Variants in TNFSF4 observed in about 807,000 individuals in gnomAD.
TNFSF4 encodes the protein TNF superfamily member 4.
A neutral mutation model predicts 7.3 loss-of-function variants in TNFSF4; 4 were observed. That is an observed-to-expected ratio of 0.55 (90% CI 0.27 to 1.25). The LOEUF is 1.25. TNFSF4 is among the 50% of genes most tolerant of loss of function. The pLI, the probability that TNFSF4 is intolerant of heterozygous loss-of-function variation, is 0.12. For synonymous variants in TNFSF4, 76 were observed against 83.7 expected (o/e 0.91, Z 0.50); for missense variants, 181 against 208.8 (o/e 0.87, Z 0.82).
At chr1:173,328,543 TAAAAA>T in the TNFSF4 span, among the ~76,000 whole-genome samples, 1 of 134,264 alleles carries the variant, frequency 7.4e-6, no homozygotes, top group Non-Finnish European at 1.6e-5. Flanking sequence ...ATCTTCGTAA[TAAAAA>T]AAAAAGTTTA....
the TNFSF4 span, among the ~76,000 whole-genome samples, chr1:173,247,966 TAATG>T: frequency 3.3e-5 from 5 of 152,308 alleles, no homozygotes; most frequent in East Asian, 9.6e-4. Context: ...ATAGCTTACT[TAATG>T]AAGAAGAATA....
At chr1:173,190,607 C>T (rs982312140) in intron 1 of TNFSF4, among the ~76,000 whole-genome samples, 3 of 152,320 alleles carry the variant, frequency 2.0e-5, no homozygotes, top group East Asian at 1.9e-4. Flanking sequence ...CTGTACTCTT[C>T]GTGGTGTGAT....
the TNFSF4 span, among the ~76,000 whole-genome samples, chr1:173,324,373 T>C: frequency 6.6e-5 from 10 of 151,936 alleles, no homozygotes; most frequent in Non-Finnish European, 1.3e-4. Flanking sequence ...GCACTAAACA[T>C]GGAAAGGAAC....
the TNFSF4 span, among the ~76,000 whole-genome samples, chr1:173,338,147 C>A: frequency 6.6e-6 from 1 of 152,174 alleles, no homozygotes; most frequent in African/African-American, 2.4e-5. Flanking sequence ...CCCTGAGTCC[C>A]CAGCATGGTA....
At chr1:173,355,553 C>A in the TNFSF4 span, among the ~76,000 whole-genome samples, 3 of 152,178 alleles carry the variant, frequency 2.0e-5, no homozygotes, top group Non-Finnish European at 4.4e-5. Context: ...GGAGGGCTGT[C>A]TCCAAAAGAA....
downstream of TNFSF4, among the ~76,000 whole-genome samples, chr1:173,182,171 T>C (rs1230198665): frequency 6.6e-6 from 1 of 152,258 alleles, no homozygotes; most frequent in Non-Finnish European, 1.5e-5. Context: ...TTGGTTCTTA[T>C]GTTCTTACAA....
At chr1:173,372,299 A>C in the TNFSF4 span, among the ~76,000 whole-genome samples, 1 of 152,130 alleles carries the variant, frequency 6.6e-6, no homozygotes, top group Non-Finnish European at 1.5e-5. Context: ...TGGCCAGGCC[A>C]CTCCATACTC....
At chr1:173,235,312 A>G in the TNFSF4 span, among the ~76,000 whole-genome samples, 3 of 152,158 alleles carry the variant, frequency 2.0e-5, no homozygotes, top group Non-Finnish European at 4.4e-5. Flanking sequence ...GCTCTCAGAG[A>G]AAAAAGGGGG....
chr1:173,373,124 T>C, the TNFSF4 span, among the ~76,000 whole-genome samples: 1 of 152,242 alleles, frequency 6.6e-6, no homozygotes, highest in Non-Finnish European at 1.5e-5. Context: ...TACATGCCCA[T>C]GCTGCAATAT....
At chr1:173,321,201 C>A in the TNFSF4 span, among the ~76,000 whole-genome samples, 20 of 150,770 alleles carry the variant, frequency 1.3e-4, no homozygotes, top group African/African-American at 4.1e-4. Context: ...TGATCTTTGA[C>A]AAACCTGTCA....
At chr1:173,342,164 A>G in the TNFSF4 span, among the ~76,000 whole-genome samples, 38 of 152,312 alleles carry the variant, frequency 2.5e-4, no homozygotes, top group African/African-American at 6.7e-4. Context: ...GACCAGTAAC[A>G]GGCACAGATT....
chr1:173,424,260 C>T, the TNFSF4 span, among the ~76,000 whole-genome samples: 11 of 152,286 alleles, frequency 7.2e-5, no homozygotes, highest in South Asian at 4.1e-4. Flanking sequence ...TTAGTCCACA[C>T]GTATTTTGAG....
At chr1:173,363,886 A>G in the TNFSF4 span, among the ~76,000 whole-genome samples, 1 of 152,202 alleles carries the variant, frequency 6.6e-6, no homozygotes, top group Non-Finnish European at 1.5e-5. Flanking sequence ...AACCCCTGCC[A>G]CACACTGGTG....
the TNFSF4 span, among the ~76,000 whole-genome samples, chr1:173,373,003 C>T: frequency 6.6e-6 from 1 of 152,250 alleles, no homozygotes; most frequent in African/African-American, 2.4e-5. Context: ...CCTCTTCCCC[C>T]AGGGACCAGC....
downstream of TNFSF4, among the ~76,000 whole-genome samples, chr1:173,179,199 G>A (rs1649008566): frequency 6.6e-6 from 1 of 152,182 alleles, no homozygotes; most frequent in Admixed American, 6.5e-5. Flanking sequence ...TAGAGTGTTA[G>A]TCTCAAAGAG....
chr1:173,210,728 G>GA (rs1172947611), upstream of TNFSF4, among the ~76,000 whole-genome samples: 1 of 152,022 alleles, frequency 6.6e-6, no homozygotes, highest in Non-Finnish European at 1.5e-5. Context: ...ATAATTCTAG[G>GA]GGGGGGAAAA....
the TNFSF4 span, among the ~76,000 whole-genome samples, chr1:173,214,973 G>A: frequency 5.3e-5 from 8 of 152,154 alleles, no homozygotes; most frequent in Non-Finnish European, 1.2e-4. Context: ...GTTATGGCCT[G>A]AATGTTTGTG....
chr1:173,366,619 C>T, the TNFSF4 span, among the ~76,000 whole-genome samples: 1 of 152,036 alleles, frequency 6.6e-6, no homozygotes, highest in African/African-American at 2.4e-5. Context: ...TTTAAAATAA[C>T]TAAAGGAGTA....
At chr1:173,243,010 G>T in the TNFSF4 span, among the ~76,000 whole-genome samples, 256 of 116,622 alleles carry the variant, frequency 2.2e-3, 12 homozygotes, top group Non-Finnish European at 3.4e-3. Flanking sequence ...TGGGTGGGGG[G>T]GGGGGGGGAG....
Sources: gnomAD v4.1 joint callset for allele counts (sites outside exome capture counted in the v4.1 genomes callset) on GRCh38, gnomAD v4.1.1 for gene constraint, MANE v1.5 for transcripts, NCBI Gene and HGNC (gene_info 2026-07-23, HGNC 2026-07-21) for gene names.